Variants in ERC1 observed in about 807,000 individuals in gnomAD.
ERC1 encodes ELKS/RAB6-interacting/CAST family member 1.
Under a neutral mutation model 132.0 loss-of-function variants are expected in ERC1, and 56 were observed. That is an observed-to-expected ratio of 0.42 (90% confidence interval 0.34 to 0.53). The LOEUF (loss-of-function observed/expected upper bound fraction) is 0.53, where lower values mean the gene tolerates loss of function less well. Among genes scored for constraint, ERC1 ranks in the 20% least tolerant of loss-of-function variants. ERC1 has a pLI of 0.03. For synonymous variants in ERC1, 478 were observed against 476.1 expected, an observed-to-expected ratio of 1.00 and a Z score of -0.05; for missense variants, 1,202 against 1,349.9, an observed-to-expected ratio of 0.89 and a Z score of 1.72.
intron 16 of ERC1, among the ~76,000 whole-genome samples, chr12:1,382,266 C>T (rs972962965): frequency 6.6e-6 from 1 of 152,122 alleles, no homozygotes; most frequent in African/African-American, 2.4e-5. Flanking sequence ...GCTGTATGGG[C>T]GAAGCAGATC....
intron 12 of ERC1, among the ~76,000 whole-genome samples, chr12:1,207,342 T>A (rs1242548804): frequency 1.3e-5 from 2 of 152,120 alleles, no homozygotes; most frequent in Non-Finnish European, 2.9e-5. Context: ...CCCTAGAAAA[T>A]TTCTGACCCC....
At chr12:993,146 A>G (rs560574867) in intron 1 of ERC1, among the ~76,000 whole-genome samples, 23 of 152,226 alleles carry the variant, frequency 1.5e-4, no homozygotes, top group Non-Finnish European at 2.8e-4. Flanking sequence ...TTAATTATAA[A>G]TAAAAGATTT....
At chr12:1,165,125 A>T (rs2154262769) in intron 8 of ERC1, among the ~76,000 whole-genome samples, 1 of 152,316 alleles carries the variant, frequency 6.6e-6, no homozygotes, top group South Asian at 2.1e-4. Flanking sequence ...GGAAAGGAAG[A>T]GGACTAACAG....
At chr12:1,289,143 GTA>G (rs2079250675) in intron 14 of ERC1, among the ~76,000 whole-genome samples, 1 of 125,606 alleles carries the variant, frequency 8.0e-6, no homozygotes, top group African/African-American at 2.9e-5. Flanking sequence ...AACTATATAG[GTA>G]TATAGGGATA....
In ERC1 at chr12:1,180,280, T is replaced by TGC. The variant is rs1488519959; in HGVS notation, c.1738-259_1738-258insCG. On this transcript the variant is annotated intron_variant, in intron 8 of 18. Transcript: ENST00000360905. ...GTGTGTGTGTGTGTGTGTGTGTGTG[T>TGC]GTGCGCGCACGCGTGTGCGCGCGCG... 1.1e-3 allele frequency among the ~76,000 whole-genome samples: 157 copies of TGC among 140,826 alleles called. 1 individual carries two copies. Among genetic ancestry groups the TGC allele is most frequent in the African/African-American group, 4.4e-3 (147 of 33,226 alleles). The allele number at this position is 140,826 out of a possible 152,430, so 92.4% of individuals were successfully genotyped here.
At chr12:1,236,496 A>G (rs1041851051) in intron 12 of ERC1, among the ~76,000 whole-genome samples, 3 of 152,196 alleles carry the variant, frequency 2.0e-5, no homozygotes, top group Non-Finnish European at 4.4e-5. Context: ...TAGTCATTTC[A>G]AATGATCCCG....
At chr12:1,173,527 G>A (rs1414274852) in intron 8 of ERC1, among the ~76,000 whole-genome samples, 1 of 152,128 alleles carries the variant, frequency 6.6e-6, no homozygotes, top group Non-Finnish European at 1.5e-5. Flanking sequence ...TTATGTTCTA[G>A]TATGTGCATA....
intron 1 of ERC1, among the ~76,000 whole-genome samples, chr12:1,002,701 T>C (rs73031395): frequency 0.093 from 14,145 of 152,212 alleles, 1,024 homozygotes; most frequent in African/African-American, 0.2. Flanking sequence ...GTCACTATTA[T>C]TAACTTTAGC....
chr12:1,336,192 TA>T (rs1413765592), intron 15 of ERC1, among the ~76,000 whole-genome samples: 1 of 152,074 alleles, frequency 6.6e-6, no homozygotes, highest in Non-Finnish European at 1.5e-5. Flanking sequence ...AATTTTTTTT[TA>T]AAAAATAAAC....
At chr12:1,312,843 C>T (rs2081406409) in intron 15 of ERC1, among the ~76,000 whole-genome samples, 1 of 151,612 alleles carries the variant, frequency 6.6e-6, no homozygotes, top group African/African-American at 2.4e-5. Context: ...TTTTAAAGTC[C>T]CCTTCTGTCT....
At chr12:1,100,749 G>A (rs1944567283) in intron 3 of ERC1, among the ~76,000 whole-genome samples, 1 of 152,122 alleles carries the variant, frequency 6.6e-6, no homozygotes, top group African/African-American at 2.4e-5. Flanking sequence ...TGTTAACAGT[G>A]GGGCAGATAT....
chr12:1,295,088 G>A (rs1411510448), intron 15 of ERC1, among the ~76,000 whole-genome samples: 3 of 152,176 alleles, frequency 2.0e-5, no homozygotes, highest in Admixed American at 2.0e-4. Context: ...ACCTCATGAA[G>A]TTGTTGTACG....
intron 15 of ERC1, among the ~76,000 whole-genome samples, chr12:1,303,453 G>C (rs2080573784): frequency 6.6e-6 from 1 of 151,000 alleles, no homozygotes; most frequent in Non-Finnish European, 1.5e-5. Flanking sequence ...TGGCTAACAT[G>C]GTGAAACCCC....
intron 18 of ERC1, among the ~76,000 whole-genome samples, chr12:1,453,893 T>A (rs1380348438): frequency 6.6e-6 from 1 of 152,142 alleles, no homozygotes; most frequent in Non-Finnish European, 1.5e-5. Context: ...CGGTCCCTAG[T>A]TCCTTATACA....
rs983664753 is a variant in ERC1 at position 1,494,403 on chromosome 12, A to G, written c.*4173A>G. ...AAGAATTAGGCAAGAAAAGACATAC[A>G]TTACAGGGAAATCCTTCTGAACAAA... On this transcript the variant is annotated 3_prime_UTR_variant, in exon 19 of 19. Transcript: ENST00000360905. The G allele has an allele frequency of 2.2e-5, 5 of 232,102 alleles. No homozygotes were observed. Among genetic ancestry groups the G allele is most frequent in the Non-Finnish European group, 4.3e-5 (5 of 117,362 alleles). 14.4% of individuals were successfully genotyped at this position (232,102 alleles called of 1,614,324 possible).
intron 1 of ERC1, 152 bp from the exon 2 acceptor site, chr12:1,027,596 C>G: frequency 3.3e-6 from 1 of 303,356 alleles, no homozygotes; most frequent in Non-Finnish European, 6.2e-6. Flanking sequence ...ATATTGTTTA[C>G]TATGAGTACA....
intron 18 of ERC1, among the ~76,000 whole-genome samples, chr12:1,457,625 A>C (rs2093566068): frequency 1.3e-5 from 2 of 152,282 alleles, no homozygotes; most frequent in Middle Eastern, 6.8e-3. Context: ...CCATTTTTTT[A>C]TACATTAAGC....
intron 15 of ERC1, among the ~76,000 whole-genome samples, chr12:1,333,147 A>G (rs1422243004): frequency 1.3e-5 from 2 of 149,818 alleles, no homozygotes; most frequent in South Asian, 2.1e-4. Context: ...GTTCCCCTCT[A>G]TGTGTCCGCG....
intron 2 of ERC1, among the ~76,000 whole-genome samples, chr12:1,054,487 C>T (rs1015661662): frequency 6.6e-6 from 1 of 151,848 alleles, no homozygotes; most frequent in Non-Finnish European, 1.5e-5. Context: ...TGTTTGGCTA[C>T]TAGATATATT....
Sources: gnomAD v4.1 joint callset for allele counts (sites outside exome capture counted in the v4.1 genomes callset) on GRCh38, gnomAD v4.1.1 for gene constraint, MANE v1.5 for transcripts, NCBI Gene and HGNC (gene_info 2026-07-23, HGNC 2026-07-21) for gene names.